The following TMC1 variants were observed in gnomAD, a reference collection of about 807,000 sequenced individuals.
TMC1 encodes transmembrane channel like 1, also known as transmembrane channel-like protein 1.
In TMC1, 84 loss-of-function variants were observed where a neutral mutation model predicts 105.8. The observed-to-expected ratio is 0.79, with a 90% CI of 0.67 to 0.95. The LOEUF is 0.95. Among genes scored for constraint, TMC1 ranks in the 40% least tolerant of loss-of-function variants. TMC1 has a pLI of 0.00. For synonymous variants in TMC1, 315 were observed against 311.5 expected, an observed-to-expected ratio of 1.01 and a Z score of -0.12; for missense variants, 817 against 914.1, an observed-to-expected ratio of 0.89 and a Z score of 1.37.
At chr9:72,545,708 G>A (rs757934186) in intron 1 of TMC1, among the ~76,000 whole-genome samples, 2 of 152,108 alleles carry the variant, frequency 1.3e-5, no homozygotes, top group South Asian at 2.1e-4. Context: ...GGCTGGTCTC[G>A]AATGCCTGAC....
At chr9:72,566,482 G>A (rs1488847477) in intron 1 of TMC1, among the ~76,000 whole-genome samples, 1 of 152,120 alleles carries the variant, frequency 6.6e-6, no homozygotes, top group Admixed American at 6.6e-5. Flanking sequence ...TGGGTGGGAA[G>A]GTGAGGAGGA....
intron 1 of TMC1, among the ~76,000 whole-genome samples, chr9:72,556,979 G>T (rs1281608623): frequency 6.6e-6 from 1 of 152,210 alleles, no homozygotes; most frequent in Non-Finnish European, 1.5e-5. Context: ...AGAGGCCAGG[G>T]ATGCTGCTGA....
intron 17 of TMC1, among the ~76,000 whole-genome samples, chr9:72,800,515 A>C (rs898333843): frequency 1.3e-5 from 2 of 152,192 alleles, no homozygotes; most frequent in Non-Finnish European, 2.9e-5. Flanking sequence ...ATGCGAATGC[A>C]ATCTAGGAGA....
At chr9:72,637,685 G>A (rs1197716590) in intron 4 of TMC1, among the ~76,000 whole-genome samples, 1 of 152,110 alleles carries the variant, frequency 6.6e-6, no homozygotes, top group African/African-American at 2.4e-5. Flanking sequence ...CCAGCATCTG[G>A]TAGAGTAATT....
rs189549720 is a variant in TMC1, at chr9:72,746,441, C to T, written c.535+3916C>T. 2.8e-3 allele frequency among the ~76,000 whole-genome samples: 433 copies of T among 152,238 alleles called. 2 individuals carry two copies. Among genetic ancestry groups the T allele is most frequent in the African/African-American group, 6.3e-3 (263 of 41,546 alleles). On this transcript the variant is annotated intron_variant, in intron 10 of 23. Transcript: ENST00000297784. ...TATAATATAAGCAAATAAATAATGA[C>T]GGTAATTGTGGATTGTAGTAAGTGG...
At chr9:72,621,346 T>C (rs1825245628) in intron 3 of TMC1, among the ~76,000 whole-genome samples, 1 of 152,214 alleles carries the variant, frequency 6.6e-6, no homozygotes, top group Non-Finnish European at 1.5e-5. Context: ...GCCTTACACG[T>C]AATTACTGAC....
At chr9:72,780,373 TAAC>T in intron 13 of TMC1, among the ~76,000 whole-genome samples, 1 of 152,264 alleles carries the variant, frequency 6.6e-6, no homozygotes, top group South Asian at 2.1e-4. Context: ...AACAACCAAC[TAAC>T]AACACTATGA....
Position 72,702,243 on chromosome 9 carries a change from A to G in TMC1, c.362+1600A>G, listed in dbSNP as rs148711591. ...TTCCAAAATATATGATTGAATAAAA[A>G]TTCCAAGGACTACCTTTCCTTTCCA... On this transcript the variant is annotated intron_variant, in intron 8 of 23. Transcript: ENST00000297784. Among the ~76,000 whole-genome samples the G allele has an allele frequency of 2.0e-5, 3 of 152,276 alleles. No individual in the cohort carries two copies. In the East Asian group the frequency reaches 5.8e-4, roughly 29 times the overall value.
intron 17 of TMC1, among the ~76,000 whole-genome samples, chr9:72,804,300 T>C (rs1828530693): frequency 6.6e-6 from 1 of 152,160 alleles, no homozygotes; most frequent in Non-Finnish European, 1.5e-5. Flanking sequence ...AATTAGGTGA[T>C]GGATTGATAG....
chr9:72,661,755 A>ATTAAAAAGTATAATTTTTGAAAT (rs1825972840), intron 5 of TMC1, among the ~76,000 whole-genome samples: 2 of 151,186 alleles, frequency 1.3e-5, no homozygotes, highest in African/African-American at 4.9e-5. Context: ...ACTTTTTAAA[A>ATTAAAAAGTATAATTTTTGAAAT]CAAATTTTTG....
At chr9:72,643,204 T>C (rs10118632) in intron 4 of TMC1, among the ~76,000 whole-genome samples, 36,711 of 151,666 alleles carry the variant, frequency 0.24, 4,785 homozygotes, top group East Asian at 0.38. Context: ...TTTTTAGATA[T>C]CACATGTACA....
intron 1 of TMC1, among the ~76,000 whole-genome samples, chr9:72,549,787 A>G (rs761495781): frequency 4.6e-5 from 7 of 151,366 alleles, no homozygotes; most frequent in African/African-American, 7.3e-5. Context: ...ATTTTTGTAT[A>G]TTTTTTAACA....
chr9:72,812,500 C>T (rs576797241), intron 18 of TMC1, among the ~76,000 whole-genome samples: 1 of 152,296 alleles, frequency 6.6e-6, no homozygotes, highest in Admixed American at 6.5e-5. Context: ...TCCTAGCAGA[C>T]GAGGCTAGAG....
At chr9:72,618,151 C>T (rs1825171750) in intron 3 of TMC1, among the ~76,000 whole-genome samples, 1 of 150,566 alleles carries the variant, frequency 6.6e-6, no homozygotes, top group Non-Finnish European at 1.5e-5. Context: ...GCCTCAGCCT[C>T]TCGAGTTGCT....
intron 5 of TMC1, among the ~76,000 whole-genome samples, chr9:72,688,435 A>C (rs560663820): frequency 6.6e-6 from 1 of 152,252 alleles, no homozygotes; most frequent in Admixed American, 6.5e-5. Flanking sequence ...AGTTATTTTG[A>C]ATTGAGCTGA....
chr9:72,726,505 C>T (rs1827127873), intron 8 of TMC1, among the ~76,000 whole-genome samples: 1 of 152,146 alleles, frequency 6.6e-6, no homozygotes. Context: ...GGCCAGTTCA[C>T]ATAGGAAGAT....
At chr9:72,831,257 T>A (rs1432340912) in intron 23 of TMC1, among the ~76,000 whole-genome samples, 1 of 152,284 alleles carries the variant, frequency 6.6e-6, no homozygotes, top group African/African-American at 2.4e-5. Flanking sequence ...TTAGTGAAAA[T>A]CTTTTCCAAC....
At chr9:72,565,336 T>G (rs1391289511) in intron 1 of TMC1, among the ~76,000 whole-genome samples, 1 of 151,992 alleles carries the variant, frequency 6.6e-6, no homozygotes, top group Non-Finnish European at 1.5e-5. Flanking sequence ...AATAGGAGAT[T>G]GGGTACCTTG....
chr9:72,668,709 T>G (rs1826081647), intron 5 of TMC1, among the ~76,000 whole-genome samples: 1 of 152,194 alleles, frequency 6.6e-6, no homozygotes, highest in African/African-American at 2.4e-5. Context: ...CTATTAATAT[T>G]TTATGGCATT....
Sources: allele counts gnomAD v4.1 joint callset (sites outside exome capture counted in the v4.1 genomes callset), GRCh38; gene constraint gnomAD v4.1.1; transcripts MANE v1.5; gene names NCBI Gene and HGNC (gene_info 2026-07-23, HGNC 2026-07-21).